Variants in PBX1 observed in about 807,000 individuals in gnomAD.
PBX1 encodes pre-B-cell leukemia transcription factor 1.
Under a neutral mutation model 53.4 loss-of-function variants are expected in PBX1, and 6 were observed. The ratio of observed to expected loss-of-function variants is 0.11; its 90% confidence interval spans 0.06 to 0.22. PBX1 has a LOEUF of 0.22. PBX1 is among the 10% of genes least tolerant of loss of function. PBX1 has a pLI of 1.00. For missense variants in PBX1, 251 were observed against 551.4 expected (o/e 0.46, Z 5.46); for synonymous variants, 204 against 212.3 (o/e 0.96, Z 0.34).
chr1:164,635,641 C>T (rs1042949695), intron 2 of PBX1, among the ~76,000 whole-genome samples: 2 of 152,006 alleles, frequency 1.3e-5, no homozygotes, highest in Non-Finnish European at 2.9e-5. Flanking sequence ...ATATATCACC[C>T]TTCCTCCTGT....
At chr1:164,794,499 A>G (rs922875199) in intron 3 of PBX1, among the ~76,000 whole-genome samples, 48 of 152,222 alleles carry the variant, frequency 3.2e-4, no homozygotes, top group African/African-American at 1.1e-3. Context: ...AAGCTGTGGT[A>G]AGAAGCTGTG....
intron 2 of PBX1, among the ~76,000 whole-genome samples, chr1:164,789,192 T>G (rs1002867863): frequency 1.6e-4 from 25 of 152,204 alleles, no homozygotes; most frequent in Non-Finnish European, 1.0e-4. Flanking sequence ...TTTCCTTTCT[T>G]ATTTTATTTA....
In PBX1 at chr1:164,629,376, G is replaced by T. The variant is rs181305350; in HGVS notation, c.265+66065G>T. Among the ~76,000 whole-genome samples the T allele has an allele frequency of 2.6e-5, 4 of 152,236 alleles. No individual in the cohort carries two copies. In the South Asian group the frequency reaches 8.3e-4, roughly 32 times the overall value. On this transcript the variant is annotated intron_variant, in intron 2 of 8. Transcript: ENST00000420696. ...AATGTTCTCTTTGGAATTCCCTCAC[G>T]GGCTCAGTTTTGACAGGTTACCATG...
intron 2 of PBX1, among the ~76,000 whole-genome samples, chr1:164,877,585 C>T (rs1387338079): frequency 6.6e-6 from 1 of 152,028 alleles, no homozygotes; most frequent in African/African-American, 2.4e-5. Flanking sequence ...ATCACTTGAA[C>T]CCAGTAGACA....
chr1:164,662,847 T>C (rs1055524887), intron 2 of PBX1, among the ~76,000 whole-genome samples: 3 of 152,124 alleles, frequency 2.0e-5, no homozygotes, highest in Middle Eastern at 3.2e-3. Flanking sequence ...TTTTTTTTCT[T>C]GTAGTGATGG....
intron 2 of PBX1, among the ~76,000 whole-genome samples, chr1:164,882,057 A>G (rs1010265825): frequency 6.6e-6 from 1 of 152,078 alleles, no homozygotes; most frequent in African/African-American, 2.4e-5. Flanking sequence ...TTTTCTGCCT[A>G]AAATAACCTG....
At chr1:164,821,046 T>G (rs927650852) in intron 7 of PBX1, among the ~76,000 whole-genome samples, 1 of 152,208 alleles carries the variant, frequency 6.6e-6, no homozygotes, top group African/African-American at 2.4e-5. Flanking sequence ...ACTAAACAAC[T>G]GGCCATCACT....
intron 3 of PBX1, among the ~76,000 whole-genome samples, chr1:164,797,395 C>T (rs781672083): frequency 3.9e-5 from 6 of 152,124 alleles, no homozygotes; most frequent in Non-Finnish European, 7.4e-5. Flanking sequence ...GCCTAGCCCT[C>T]CACTCTCCAT....
At chr1:164,736,144 C>T (rs1665257002) in intron 2 of PBX1, among the ~76,000 whole-genome samples, 1 of 152,200 alleles carries the variant, frequency 6.6e-6, no homozygotes, top group African/African-American at 2.4e-5. Context: ...CCTCTTCCCA[C>T]TGCAGCCCCT....
chr1:164,757,135 C>T (rs1666570665), intron 2 of PBX1, among the ~76,000 whole-genome samples: 1 of 151,772 alleles, frequency 6.6e-6, no homozygotes, highest in Non-Finnish European at 1.5e-5. Context: ...TAGCAATGAA[C>T]AAGAGAGAAG....
intron 2 of PBX1, among the ~76,000 whole-genome samples, chr1:164,710,366 T>G (rs921251190): frequency 2.6e-5 from 4 of 152,196 alleles, no homozygotes; most frequent in Non-Finnish European, 4.4e-5. Flanking sequence ...ATTGAATATA[T>G]TGAGCGTGTA....
At chr1:164,796,390 T>TA (rs5778408) in intron 3 of PBX1, among the ~76,000 whole-genome samples, 30,679 of 151,684 alleles carry the variant, frequency 0.2, 3,244 homozygotes, top group South Asian at 0.28. Flanking sequence ...AGCTCTACTT[T>TA]AAAAAAAAAT....
chr1:164,740,496 A>T (rs1665548020), intron 2 of PBX1, among the ~76,000 whole-genome samples: 2 of 152,138 alleles, frequency 1.3e-5, no homozygotes, highest in Non-Finnish European at 2.9e-5. Context: ...AGACCAGTTG[A>T]TGTAAAAAGC....
Position 164,584,355 on chromosome 1 carries a change from GAGAGAGAA to G in PBX1, c.265+21052_265+21059del, listed in dbSNP as rs1354958669. On this transcript the variant is annotated intron_variant, in intron 2 of 8. Transcript: ENST00000420696. ...AGTCTCTAGGAAGGAGGGAGGGAGA[GAGAGAGAA>G]AGAGAGAGAGAGAGAGAGAGATCTA... 2.7e-5 allele frequency among the ~76,000 whole-genome samples: 4 copies of G among 150,924 alleles called. No homozygotes were observed. The East Asian group carries it at 7.7e-4, about 29-fold the overall frequency.
intron 2 of PBX1, among the ~76,000 whole-genome samples, chr1:164,747,291 A>C (rs1204241355): frequency 6.6e-6 from 1 of 151,986 alleles, no homozygotes; most frequent in Non-Finnish European, 1.5e-5. Context: ...ACTTATGTAA[A>C]TTTAGCATCT....
rs1249833541 is a variant in PBX1 at position 164,739,753 on chromosome 1, A to ATGCGTGTG, written c.266-52739_266-52738insCGTGTGTG. ...TGCAGGGTTCATGAAGTGGTTGTGCATGTGTGTGTGTGTGTGTGTGTGTGT... is the reference window on the plus strand; with the variant it reads ...TGCAGGGTTCATGAAGTGGTTGTGCATGCGTGTGTGTGTGTGTGTGTGTGTGTGTGTGT... On this transcript the variant is annotated intron_variant, in intron 2 of 8. Coordinates refer to ENST00000420696, the MANE Select transcript of PBX1 (RefSeq NM_002585.4). Among the ~76,000 whole-genome samples the ATGCGTGTG allele has an allele frequency of 1.6e-3, 226 of 143,114 alleles. 1 individual carries two copies. Among genetic ancestry groups the ATGCGTGTG allele is most frequent in the African/African-American group, 5.4e-3 (211 of 38,900 alleles). 93.9% of individuals were successfully genotyped at this position (143,114 alleles called of 152,430 possible). A position where few individuals can be genotyped will look rare whatever the true frequency, so the allele number is the denominator to read the frequency against.
intron 2 of PBX1, among the ~76,000 whole-genome samples, chr1:164,779,473 T>C (rs1667829372): frequency 1.3e-5 from 2 of 152,178 alleles, no homozygotes; most frequent in Non-Finnish European, 2.9e-5. Flanking sequence ...AACTGAGCTG[T>C]AAGGCTGTCA....
At chr1:164,706,939 T>A (rs1195388966) in intron 2 of PBX1, among the ~76,000 whole-genome samples, 1 of 152,204 alleles carries the variant, frequency 6.6e-6, no homozygotes. Context: ...AACCCCTTCC[T>A]AGTCCCAGCT....
At chr1:164,722,050 C>G (rs147849765) in intron 2 of PBX1, among the ~76,000 whole-genome samples, 16 of 152,314 alleles carry the variant, frequency 1.1e-4, no homozygotes, top group African/African-American at 3.8e-4. Flanking sequence ...ATCTTACCCC[C>G]TGACCGACTC....
Sources: allele counts gnomAD v4.1 joint callset (sites outside exome capture counted in the v4.1 genomes callset), GRCh38; gene constraint gnomAD v4.1.1; transcripts MANE v1.5; gene names NCBI Gene and HGNC (gene_info 2026-07-23, HGNC 2026-07-21).